The following FAM222A variants were observed in gnomAD, a reference collection of about 807,000 sequenced individuals.
FAM222A encodes the protein family with sequence similarity 222 member A, also known as protein FAM222A.
Under a neutral mutation model 25.8 loss-of-function variants are expected in FAM222A, and 7 were observed. The ratio of observed to expected loss-of-function variants is 0.27; its 90% CI spans 0.15 to 0.51. The LOEUF (loss-of-function observed/expected upper bound fraction) is 0.51. Ranked by LOEUF, FAM222A falls within the 20% of genes least tolerant of loss-of-function variation. The pLI, the probability that FAM222A is intolerant of heterozygous loss-of-function variation, is 0.97. For synonymous variants in FAM222A, 294 were observed against 298.8 expected, an observed-to-expected ratio of 0.98 and a Z score of 0.17; for missense variants, 573 against 640.5, an observed-to-expected ratio of 0.89 and a Z score of 1.14.
intron 2 of FAM222A, among the ~76,000 whole-genome samples, chr12:109,763,205 G>A (rs920985465): frequency 3.3e-5 from 5 of 152,258 alleles, no homozygotes; most frequent in African/African-American, 1.2e-4. Context: ...AGCCTGGAAA[G>A]CAGACAGACT....
chr12:109,741,645 A>G (rs1888242822), intron 1 of FAM222A, among the ~76,000 whole-genome samples: 1 of 152,250 alleles, frequency 6.6e-6, no homozygotes, highest in South Asian at 2.1e-4. Flanking sequence ...TCTGGACCCC[A>G]GTAAAAGGCT....
At chr12:109,749,738 T>G (rs1030938329) in intron 2 of FAM222A, among the ~76,000 whole-genome samples, 3 of 152,364 alleles carry the variant, frequency 2.0e-5, no homozygotes, top group African/African-American at 7.2e-5. Context: ...CTTTGGCTTT[T>G]GAATGGTGAT....
chr12:109,741,459 A>G (rs1888238006), intron 1 of FAM222A, among the ~76,000 whole-genome samples: 1 of 152,216 alleles, frequency 6.6e-6, no homozygotes, highest in Admixed American at 6.5e-5. Flanking sequence ...CCATAAGAGC[A>G]CGCTGACAAC....
chr12:109,744,293 C>G (rs544119911), intron 2 of FAM222A, 65 bp downstream of exon 2: 6 of 1,543,264 alleles, frequency 3.9e-6, no homozygotes, highest in South Asian at 3.6e-5. Context: ...ATTCACCCCC[C>G]AGGATGTCCA....
In FAM222A at chr12:109,768,849, C is replaced by T. The variant is rs1181875657; in HGVS notation, c.920C>T (p.Thr307Met). 45 of 1,581,260 alleles carry T rather than the reference C, an allele frequency of 2.8e-5. No individual in the cohort carries two copies. The highest frequency in any genetic ancestry group is 4.0e-5 in the African/African-American group (3 of 74,432). ...PQPLRAYSGS[T>M]VASKSPEACG... ...CCACTGCGTGCCTACAGTGGGAGCA[C>T]GGTGGCCAGCAAGTCCCCTGAGGCT... The change falls in exon 3 of 3, where the codon ACG becomes ATG. Residue 307 changes from threonine to methionine, a missense_variant. Physicochemically the swap from Thr to Met is moderately conservative, Grantham distance 81 (BLOSUM62 -1). Transcript: ENST00000538780.
In FAM222A at chr12:109,768,142, G is replaced by A. The variant is rs1216010571; in HGVS notation, c.213G>A (p.Gln71=). The part of the protein sequence containing the change: ...KIFPTNIRVP[Q]HKHLSRTVNG... The stretch of plus-strand genomic sequence containing the variant: ...TCCCCACCAACATCCGTGTGCCCCA[G>A]CACAAGCACCTCAGCCGCACAGTCA... Residue 71 remains glutamine, a synonymous_variant, in exon 3 of 3, where the codon CAG becomes CAA. Coordinates refer to ENST00000538780, the MANE Select transcript of FAM222A (RefSeq NM_032829.3). 6.2e-7 allele frequency: 1 copy of A among 1,613,946 alleles called. No homozygotes were observed. Among genetic ancestry groups the A allele is most frequent in the South Asian group, 1.1e-5 (1 of 91,078 alleles).
Position 109,756,290 on chromosome 12 carries a change from T to G in FAM222A, c.83-11722T>G, listed in dbSNP as rs144028034. 2.6e-3 allele frequency among the ~76,000 whole-genome samples: 390 copies of G among 152,274 alleles called. 1 individual carries two copies. Among genetic ancestry groups the G allele is most frequent in the African/African-American group, 8.6e-3 (358 of 41,544 alleles). On this transcript the variant is annotated intron_variant, in intron 2 of 2. Coordinates refer to ENST00000538780, the MANE Select transcript of FAM222A (RefSeq NM_032829.3). Reference sequence around the variant, plus strand: ...TTGTATCCTGCAACCTTGCTGAACTTCTTTATTCTAATAGTTTTTTAGTGA... The same window carrying G: ...TTGTATCCTGCAACCTTGCTGAACTGCTTTATTCTAATAGTTTTTTAGTGA...
At position 109,768,026 on chromosome 12, in the gene FAM222A, A is replaced by G. The variant is rs61746553; in HGVS notation, c.97A>G (p.Ser33Gly). 2.3e-3 allele frequency: 3,761 copies of G among 1,613,132 alleles called. 86 individuals are homozygous for G. In the African/African-American group the frequency reaches 0.045, roughly 19 times the overall value. ...LELRKCEAVASAMHSSRYPSP... is the reference protein window; with the variant it reads ...LELRKCEAVAGAMHSSRYPSP... ...TCCTCCCACAGGCGAGGCGGTGGCCAGCGCCATGCATTCCTCCCGCTACCC... is the reference window on the plus strand; with the variant it reads ...TCCTCCCACAGGCGAGGCGGTGGCCGGCGCCATGCATTCCTCCCGCTACCC... Residue 33 changes from serine (S) to glycine (G), a missense_variant, in exon 3 of 3, where the codon AGC becomes GGC. Physicochemically the swap from Ser to Gly is moderately conservative, Grantham distance 56. Coordinates refer to ENST00000538780, the MANE Select transcript of FAM222A (RefSeq NM_032829.3).
At chr12:109,764,054 A>AC (rs1243115601) in intron 2 of FAM222A, among the ~76,000 whole-genome samples, 1 of 151,902 alleles carries the variant, frequency 6.6e-6, no homozygotes, top group Non-Finnish European at 1.5e-5. Flanking sequence ...ACATAGTGAG[A>AC]CCCCATCTTT....
At chr12:109,723,602 C>T (rs955668880) in intron 1 of FAM222A, among the ~76,000 whole-genome samples, 2 of 152,250 alleles carry the variant, frequency 1.3e-5, no homozygotes, top group Non-Finnish European at 2.9e-5. Context: ...CAAGTCCCTA[C>T]TGGGCAGGGA....
At chr12:109,735,481 C>T (rs2338383) in intron 1 of FAM222A, 27,659 of 152,222 alleles carry the variant, frequency 0.18, 2,717 homozygotes, top group Middle Eastern at 0.28. Flanking sequence ...AGATTTTTCT[C>T]CTTCCCCGTT....
chr12:109,741,862 G>C (rs1322441479), intron 1 of FAM222A, among the ~76,000 whole-genome samples: 1 of 152,204 alleles, frequency 6.6e-6, no homozygotes, highest in Admixed American at 6.5e-5. Context: ...ACTGGCCTGG[G>C]TGCAGCCAAG....
Position 109,768,349 on chromosome 12 carries a change from C to T in FAM222A, c.420C>T (p.Ala140=), listed in dbSNP as rs761569798. The change falls in exon 3 of 3, where the codon GCC becomes GCT. Residue 140 remains alanine, a synonymous_variant. Transcript: ENST00000538780. ...EGKRTKLSPA[A]VQVGIAPYPV... ...AGCGGACCAAGCTGTCACCGGCCGC[C>T]GTGCAGGTGGGCATTGCGCCCTACC... The T allele has an allele frequency of 2.3e-5, 37 of 1,596,258 alleles. 1 individual carries two copies. Among genetic ancestry groups the T allele is most frequent in the Non-Finnish European group, 2.5e-5 (29 of 1,174,788 alleles).
At chr12:109,718,291 A>C (rs1319573452) in intron 1 of FAM222A, among the ~76,000 whole-genome samples, 1 of 150,892 alleles carries the variant, frequency 6.6e-6, no homozygotes, top group Non-Finnish European at 1.5e-5. Context: ...TTCTCTGTCC[A>C]CTGAGGCCCC....
At chr12:109,728,646 T>A (rs559708513) in intron 1 of FAM222A, among the ~76,000 whole-genome samples, 47 of 152,306 alleles carry the variant, frequency 3.1e-4, no homozygotes, top group African/African-American at 1.1e-3. Flanking sequence ...AAGAGTCTGG[T>A]ACCTGCTCAC....
chr12:109,769,174 C>T lies in FAM222A; in HGVS notation c.1245C>T (p.Asp415=), dbSNP rs1889166840. Residue 415 remains aspartate, a synonymous_variant, in exon 3 of 3, where the codon GAC becomes GAT. Transcript: ENST00000538780. ...AGTCACTGGAGTATCTCATCAACGA[C>T]ATCCGGCCGCCCTGCATCAAGGAGC... ...SLQSLEYLIN[D]IRPPCIKEQM... 6.2e-7 allele frequency: 1 copy of T among 1,612,596 alleles called. No individual in the cohort carries two copies. The highest frequency in any genetic ancestry group is 8.5e-7 in the Non-Finnish European group (1 of 1,179,838).
intron 1 of FAM222A, among the ~76,000 whole-genome samples, chr12:109,717,824 C>T (rs967290763): frequency 2.0e-5 from 3 of 152,222 alleles, no homozygotes; most frequent in East Asian, 3.9e-4. Context: ...TAAGCTCGTC[C>T]ATCCCCTGTC....
At position 109,715,104 on chromosome 12, in the gene FAM222A, C is replaced by G. The variant is rs551240106; in HGVS notation, c.-47+207C>G. Among the ~76,000 whole-genome samples, 186 of 152,222 alleles carry G rather than the reference C, an allele frequency of 1.2e-3. 1 individual carries two copies. Among genetic ancestry groups the G allele is most frequent in the Non-Finnish European group, 9.3e-4 (63 of 68,020 alleles). On this transcript the variant is annotated intron_variant, in intron 1 of 2. Coordinates refer to ENST00000538780, the MANE Select transcript of FAM222A (RefSeq NM_032829.3). ...GGTTGGGGGGCCCATTCGGATTCCG[C>G]GGGACCCTGGGCGGGTTGGTTGCCA...
chr12:109,769,383 C>A lies in FAM222A; in HGVS notation c.*95C>A. On this transcript the variant is annotated 3_prime_UTR_variant, in exon 3 of 3. Transcript: ENST00000538780. ...GGGCGGCTCGCAGGGGCGCTCAGCC[C>A]CACCCTGTGCCTGCTGATGCCCACA... 7.2e-7 allele frequency: 1 copy of A among 1,391,052 alleles called. No individual in the cohort carries two copies. The highest frequency in any genetic ancestry group is 9.6e-7 in the Non-Finnish European group (1 of 1,045,962). 86.2% of individuals were successfully genotyped at this position (1,391,052 alleles called of 1,614,324 possible).
Sources: gnomAD v4.1 joint callset for allele counts (sites outside exome capture counted in the v4.1 genomes callset) on GRCh38, gnomAD v4.1.1 for gene constraint, MANE v1.5 for transcripts, NCBI Gene and HGNC (gene_info 2026-07-23, HGNC 2026-07-21) for gene names.